The following BRI3BP variants were observed in gnomAD, a reference collection of about 807,000 sequenced individuals.
BRI3BP encodes BRI3 binding protein.
Under a neutral mutation model 15.8 loss-of-function variants are expected in BRI3BP, and 7 were observed. The observed-to-expected ratio is 0.44, with a 90% CI of 0.25 to 0.83. BRI3BP has a LOEUF of 0.83. Among genes scored for constraint, BRI3BP ranks in the 40% least tolerant of loss-of-function variants. The probability of loss-of-function intolerance (pLI) is 0.20; values close to 1 mark genes in which losing one functional copy is unlikely to be tolerated. For missense variants in BRI3BP, 320 were observed against 339.3 expected, an observed-to-expected ratio of 0.94 and a Z score of 0.45; for synonymous variants, 192 against 163.5, an observed-to-expected ratio of 1.17 and a Z score of -1.33.
chr12:125,003,954 AAAACACACACAC>A lies in BRI3BP; in HGVS notation c.214-8578_214-8567del, dbSNP rs1468567764. On this transcript the variant is annotated intron_variant, in intron 1 of 2. Coordinates refer to ENST00000341446, the MANE Select transcript of BRI3BP (RefSeq NM_080626.6). ...GGCGACAGAGCGAGACTCCATCTCA[AAAACACACACAC>A]ACACACACACACACACACACACACA... is the stretch of plus-strand genomic sequence containing the variant. 6.2e-4 allele frequency among the ~76,000 whole-genome samples: 59 copies of A among 95,090 alleles called. 1 individual carries two copies. In the East Asian group the frequency reaches 7.1e-3, roughly 11 times the overall value. The allele number at this position is 95,090 out of a possible 152,430, so 62.4% of individuals were successfully genotyped here.
rs1176038068 is a variant in BRI3BP, at chr12:125,029,377, A to T, written c.*3947A>T. ...AAAAAATACAAAAAAAAAAAAAAAA[A>T]AAAAAATAGCCAGGTGTGGTGGTGG... On this transcript the variant is annotated 3_prime_UTR_variant, in exon 3 of 3. Coordinates refer to ENST00000341446, the MANE Select transcript of BRI3BP (RefSeq NM_080626.6). 6.7e-6 allele frequency: 1 copy of T among 149,910 alleles called. No homozygotes were observed. The highest frequency in any genetic ancestry group is 1.5e-5 in the Non-Finnish European group (1 of 67,476). 9.3% of individuals were successfully genotyped at this position (149,910 alleles called of 1,614,324 possible).
Position 125,028,212 on chromosome 12 carries a change from G to T in BRI3BP, c.*2782G>T, listed in dbSNP as rs544390051. 6.6e-6 allele frequency: 1 copy of T among 152,246 alleles called. No homozygotes were observed. The highest frequency in any genetic ancestry group is 1.5e-5 in the Non-Finnish European group (1 of 68,054). 9.4% of individuals were successfully genotyped at this position (152,246 alleles called of 1,614,324 possible). A position where few individuals can be genotyped will look rare whatever the true frequency, so the allele number is the denominator to read the frequency against. ...CAGGGGAAAACATGGCATTCTGTGCGCAAAGCTAATGATCGCCAGCCCTGC... is the reference window on the plus strand; with the variant it reads ...CAGGGGAAAACATGGCATTCTGTGCTCAAAGCTAATGATCGCCAGCCCTGC... On this transcript the variant is annotated 3_prime_UTR_variant, in exon 3 of 3. Coordinates refer to ENST00000341446, the MANE Select transcript of BRI3BP (RefSeq NM_080626.6).
At chr12:125,024,655 C>T (rs569159855) in intron 2 of BRI3BP, among the ~76,000 whole-genome samples, 5 of 152,002 alleles carry the variant, frequency 3.3e-5, no homozygotes, top group East Asian at 1.9e-4. Context: ...CAAAATTAGC[C>T]GGGTGTGGTG....
intron 2 of BRI3BP, among the ~76,000 whole-genome samples, chr12:125,020,879 C>CAAAT (rs139903644): frequency 9.3e-4 from 141 of 151,252 alleles, no homozygotes; most frequent in African/African-American, 2.9e-3. Flanking sequence ...GACTCTGTCT[C>CAAAT]AAATAAATAA....
At position 124,998,812 on chromosome 12, in the gene BRI3BP, C is replaced by T. The variant is rs150015042; in HGVS notation, c.213+4809C>T. On this transcript the variant is annotated intron_variant, in intron 1 of 2. Coordinates refer to ENST00000341446, the MANE Select transcript of BRI3BP (RefSeq NM_080626.6). ...AAAAAATTGGCCTGGTGCAGTGGCT[C>T]ACATCTGTAATCCCACCACTTTGGG... Among the ~76,000 whole-genome samples the T allele has an allele frequency of 6.0e-3, 917 of 152,222 alleles. 12 individuals are homozygous for T. Among genetic ancestry groups the T allele is most frequent in the South Asian group, 0.058 (280 of 4,826 alleles).
intron 1 of BRI3BP, among the ~76,000 whole-genome samples, chr12:125,008,469 C>T (rs1350709152): frequency 3.3e-5 from 5 of 151,914 alleles, no homozygotes; most frequent in Non-Finnish European, 7.4e-5. Context: ...CCCACCACCA[C>T]GCATGGCTAA....
chr12:125,047,425 C>T, the BRI3BP span, among the ~76,000 whole-genome samples: 1 of 151,872 alleles, frequency 6.6e-6, no homozygotes, highest in Admixed American at 6.6e-5. Flanking sequence ...CACCCGCCTC[C>T]GCCTCCCAAA....
At chr12:125,002,446 T>G (rs941631378) in intron 1 of BRI3BP, among the ~76,000 whole-genome samples, 1 of 119,256 alleles carries the variant, frequency 8.4e-6, no homozygotes, top group Admixed American at 1.0e-4. Context: ...CAGAACTGGT[T>G]TTTTTTTTTG....
downstream of BRI3BP, among the ~76,000 whole-genome samples, chr12:125,031,659 C>T (rs1183495639): frequency 7.0e-6 from 1 of 142,408 alleles, no homozygotes; most frequent in African/African-American, 2.8e-5. Context: ...TCACTGCTGC[C>T]TCCATCTCCT....
At chr12:125,039,079 A>G in the BRI3BP span, among the ~76,000 whole-genome samples, 1 of 152,166 alleles carries the variant, frequency 6.6e-6, no homozygotes, top group South Asian at 2.1e-4. Flanking sequence ...GACAGAGCAC[A>G]GTTCCATCTC....
intron 1 of BRI3BP, among the ~76,000 whole-genome samples, chr12:125,000,951 C>G (rs892400659): frequency 1.3e-5 from 2 of 152,164 alleles, no homozygotes; most frequent in Non-Finnish European, 2.9e-5. Context: ...ATAAAAAATC[C>G]AACACCCAGT....
chr12:125,033,148 C>T (rs1048652652), downstream of BRI3BP, among the ~76,000 whole-genome samples: 4 of 152,170 alleles, frequency 2.6e-5, no homozygotes, highest in East Asian at 5.8e-4. Flanking sequence ...GGAACTGAGC[C>T]ACAAAACAAA....
downstream of BRI3BP, among the ~76,000 whole-genome samples, chr12:125,031,866 G>A (rs1393349117): frequency 6.6e-6 from 1 of 152,106 alleles, no homozygotes; most frequent in Non-Finnish European, 1.5e-5. Context: ...AGGAGCAAAT[G>A]TAACAGGAGT....
At chr12:125,032,699 A>T (rs1594543075), downstream of BRI3BP, among the ~76,000 whole-genome samples, 1 of 152,196 alleles carries the variant, frequency 6.6e-6, no homozygotes, top group African/African-American at 2.4e-5. Context: ...GCTTGAGCCC[A>T]GGTGGTTGAG....
the BRI3BP span, among the ~76,000 whole-genome samples, chr12:125,050,862 T>C: frequency 6.6e-6 from 1 of 152,208 alleles, no homozygotes; most frequent in Non-Finnish European, 1.5e-5. Flanking sequence ...GACATTTGTG[T>C]GTGCGCGCAA....
At chr12:125,014,066 G>A (rs540504618) in intron 2 of BRI3BP, among the ~76,000 whole-genome samples, 1 of 152,276 alleles carries the variant, frequency 6.6e-6, no homozygotes, top group South Asian at 2.1e-4. Context: ...ACCCAGAGGA[G>A]ACCTTGTCCC....
At chr12:125,011,355 G>T (rs541406076) in intron 1 of BRI3BP, among the ~76,000 whole-genome samples, 145 of 152,268 alleles carry the variant, frequency 9.5e-4, no homozygotes, top group African/African-American at 3.4e-3. Context: ...AGACCACTTG[G>T]TGGCATTCAT....
At chr12:124,995,357 T>C (rs942871453) in intron 1 of BRI3BP, among the ~76,000 whole-genome samples, 16 of 152,178 alleles carry the variant, frequency 1.1e-4, no homozygotes, top group Admixed American at 8.5e-4. Flanking sequence ...ACTTACTTCC[T>C]CTTGATGCCG....
rs1341088878 is a variant in BRI3BP at position 125,006,252 on chromosome 12, CTCCTGTGTCTCCA to C, written c.214-6278_214-6266del. 1.3e-4 allele frequency among the ~76,000 whole-genome samples: 20 copies of C among 152,278 alleles called. No individual in the cohort carries two copies. The East Asian group carries it at 3.9e-3, about 29-fold the overall frequency. ...TCAGCCCATATTATTCCCCTTAGGG[CTCCTGTGTCTCCA>C]TCCACACAAAGTGGGTCAGGGTGTC... On this transcript the variant is annotated intron_variant, in intron 1 of 2. Transcript: ENST00000341446.
Sources: allele counts gnomAD v4.1 joint callset (sites outside exome capture counted in the v4.1 genomes callset), GRCh38; gene constraint gnomAD v4.1.1; transcripts MANE v1.5; gene names NCBI Gene and HGNC (gene_info 2026-07-23, HGNC 2026-07-21).